Variants in KDM4E observed in about 807,000 individuals in gnomAD.
The protein encoded by KDM4E is lysine-specific demethylase 4E.
For synonymous variants in KDM4E, 229 were observed against 232.9 expected (o/e 0.98, Z 0.15); for missense variants, 576 against 642.6 (o/e 0.90, Z 1.12).
At position 95,025,361 on chromosome 11, in the gene KDM4E, G is replaced by C; in HGVS notation, c.-197G>C. On this transcript the variant is annotated 5_prime_UTR_variant, in exon 1 of 1. Transcript: ENST00000450979. ...TCTTCAGAAAAAAGTATACTGACTA[G>C]AGTGGAGTCCCCCTGGGGAGTCAGA... The C allele has an allele frequency of 1.5e-6, 1 of 661,516 alleles. No homozygotes were observed. Among genetic ancestry groups the C allele is most frequent in the South Asian group, 2.5e-5 (1 of 40,308 alleles). The allele number at this position is 661,516 out of a possible 1,614,324, so 41.0% of individuals were successfully genotyped here. A position where few individuals can be genotyped will look rare whatever the true frequency, so the allele number is the denominator to read the frequency against.
chr11:95,026,087 T>C lies in KDM4E; in HGVS notation c.530T>C (p.Leu177Pro). The C allele has an allele frequency of 6.2e-7, 1 of 1,614,062 alleles. No homozygotes were observed. Among genetic ancestry groups the C allele is most frequent in the Non-Finnish European group, 8.5e-7 (1 of 1,179,976 alleles). Reference sequence around the variant, plus strand: ...ATCGAGGGTGTCAACACACCCTACCTGTACTTTGGCATGTGGAAGACCACG... The same window carrying C: ...ATCGAGGGTGTCAACACACCCTACCCGTACTTTGGCATGTGGAAGACCACG... ...VVIEGVNTPY[L>P]YFGMWKTTFA... is the part of the protein sequence containing the mutation. Residue 177 changes from leucine to proline, a missense_variant, in exon 1 of 1, where the codon CTG (leucine) becomes CCG (proline). By Grantham distance (98) the Leu-to-Pro change is moderately conservative. Transcript: ENST00000450979.
rs782467069 is a variant in KDM4E, at chr11:95,026,448, G to A, written c.891G>A (p.Trp297Ter). ...AEAINFATPR[W>*]IDYGKMASQC... Reference sequence around the variant, plus strand: ...CCATTAATTTTGCCACTCCACGATGGATTGATTATGGCAAAATGGCCTCTC... The same window carrying A: ...CCATTAATTTTGCCACTCCACGATGAATTGATTATGGCAAAATGGCCTCTC... The change falls in exon 1 of 1, where the codon TGG (tryptophan) becomes TGA (stop). Residue 297 changes from tryptophan (W) to a stop codon, truncating the protein, a stop_gained. Coordinates refer to ENST00000450979, the MANE Select transcript of KDM4E (RefSeq NM_001161630.1). LOFTEE classifies it low-confidence loss of function (END_TRUNC). 3.7e-6 allele frequency: 6 copies of A among 1,610,626 alleles called. No individual in the cohort carries two copies. Among genetic ancestry groups the A allele is most frequent in the Non-Finnish European group, 5.1e-6 (6 of 1,179,932 alleles).
Position 95,027,153 on chromosome 11 carries a change from C to T in KDM4E, c.*75C>T. 6.7e-7 allele frequency: 1 copy of T among 1,493,454 alleles called. No individual in the cohort carries two copies. The highest frequency in any genetic ancestry group is 2.2e-5 in the Admixed American group (1 of 45,210). The allele number at this position is 1,493,454 out of a possible 1,614,324, so 92.5% of individuals were successfully genotyped here. A position where few individuals can be genotyped will look rare whatever the true frequency, so the allele number is the denominator to read the frequency against. ...TGATCTTCAACTCCTGGGGCCCCCA[C>T]TGGATCGTGATGAAACCATGCACCC... On this transcript the variant is annotated 3_prime_UTR_variant, in exon 1 of 1. Transcript: ENST00000450979.
Position 95,026,813 on chromosome 11 carries a change from T to C in KDM4E, c.1256T>C (p.Leu419Pro). 6.5e-7 allele frequency: 1 copy of C among 1,537,216 alleles called. No individual in the cohort carries two copies. Among genetic ancestry groups the C allele is most frequent in the South Asian group, 1.2e-5 (1 of 84,064 alleles). The change falls in exon 1 of 1, where the codon CTT becomes CCT. Residue 419 changes from leucine (L) to proline (P), a missense_variant. Physicochemically the swap from Leu to Pro is moderately conservative, Grantham distance 98. Transcript: ENST00000450979. ...SSAYHTQTQS[L>P]TLGMSARVLL... ...GCATATCATACCCAGACCCAGTCACTTACCCTGGGGATGTCAGCCAGGGTT... is the reference window on the plus strand; with the variant it reads ...GCATATCATACCCAGACCCAGTCACCTACCCTGGGGATGTCAGCCAGGGTT...
rs781986850 is a variant in KDM4E at position 95,026,729 on chromosome 11, G to A, written c.1172G>A (p.Cys391Tyr). Residue 391 changes from cysteine to tyrosine, a missense_variant, in exon 1 of 1, where the codon TGT becomes TAT. Cys to Tyr is a radical substitution (Grantham distance 194). Transcript: ENST00000450979. ...CPTQPVSSGH[C>Y]YNPKGCGTDA... ...ACACAGCCTGTGTCCTCAGGGCACT[G>A]TTACAACCCAAAAGGCTGTGGCACT... The A allele has an allele frequency of 3.1e-5, 47 of 1,537,156 alleles. No homozygotes were observed. In the African/African-American group the frequency reaches 5.5e-4, roughly 18 times the overall value.
chr11:95,026,595 G>A lies in KDM4E; in HGVS notation c.1038G>A (p.Glu346=). ...RQDLAIVEHT[E]PRVAESQELS... is the part of the protein sequence containing the mutation. Reference sequence around the variant, plus strand: ...ACTTGGCCATTGTGGAACACACAGAGCCCAGGGTTGCAGAAAGCCAAGAGC... The same window carrying A: ...ACTTGGCCATTGTGGAACACACAGAACCCAGGGTTGCAGAAAGCCAAGAGC... The change falls in exon 1 of 1, where the codon GAG becomes GAA. Residue 346 remains glutamate (E), a synonymous_variant. Coordinates refer to ENST00000450979, the MANE Select transcript of KDM4E (RefSeq NM_001161630.1). 6.5e-7 allele frequency: 1 copy of A among 1,537,610 alleles called. No homozygotes were observed. The highest frequency in any genetic ancestry group is 8.7e-7 in the Non-Finnish European group (1 of 1,147,032).
rs1555102641 is a variant in KDM4E at position 95,025,832 on chromosome 11, C to T, written c.275C>T (p.Ala92Val). 7 of 1,594,132 alleles carry T rather than the reference C, an allele frequency of 4.4e-6. No homozygotes were observed. In the South Asian group the frequency reaches 6.7e-5, roughly 15 times the overall value. ...VFTQYHKKKK[A>V]MRVGQYRRLA... is the part of the protein sequence containing the mutation. ...ACTCAATACCATAAAAAGAAGAAAG[C>T]CATGAGGGTGGGGCAGTATCGCCGC... Residue 92 changes from alanine to valine, a missense_variant, in exon 1 of 1, where the codon GCC becomes GTC. Ala to Val is a moderately conservative substitution (Grantham distance 64). Transcript: ENST00000450979.
Position 95,027,105 on chromosome 11 carries a change from G to T in KDM4E, c.*27G>T. ...TGGTGGCCTTCAGCATCTTGCCAAG[G>T]CTTCTGGCTGCTGCTGTGTCCCTGA... On this transcript the variant is annotated 3_prime_UTR_variant, in exon 1 of 1. Coordinates refer to ENST00000450979, the MANE Select transcript of KDM4E (RefSeq NM_001161630.1). 6.5e-7 allele frequency: 1 copy of T among 1,531,226 alleles called. No individual in the cohort carries two copies. The highest frequency in any genetic ancestry group is 2.4e-5 in the East Asian group (1 of 40,830). 94.9% of individuals were successfully genotyped at this position (1,531,226 alleles called of 1,614,324 possible).
chr11:95,026,950 G>A lies in KDM4E; in HGVS notation c.1393G>A (p.Gly465Arg). ...TCATGGTTGTTGTACTCGAGAACTG[G>A]GGACTGAGGAGCCAACTGTTCAGCC... ...RGHGCCTREL[G>R]TEEPTVQPAS... The change falls in exon 1 of 1, where the codon GGG becomes AGG. Residue 465 changes from glycine to arginine, a missense_variant. Coordinates refer to ENST00000450979, the MANE Select transcript of KDM4E (RefSeq NM_001161630.1). The A allele has an allele frequency of 5.2e-6, 8 of 1,537,210 alleles. No homozygotes were observed. Among genetic ancestry groups the A allele is most frequent in the South Asian group, 1.2e-5 (1 of 84,066 alleles).
chr11:95,025,988 A>G lies in KDM4E; in HGVS notation c.431A>G (p.Glu144Gly), dbSNP rs1364895769. 2 of 1,600,606 alleles carry G rather than the reference A, an allele frequency of 1.2e-6. No homozygotes were observed. The highest frequency in any genetic ancestry group is 1.7e-6 in the Non-Finnish European group (2 of 1,175,320). ...GADISGSLFE[E>G]STKQWNLGHL... The stretch of plus-strand genomic sequence containing the variant: ...GATATCAGCGGCTCCTTATTTGAAG[A>G]AAGCACTAAACAATGGAACCTAGGA... The change falls in exon 1 of 1, where the codon GAA (glutamate) becomes GGA (glycine). Residue 144 changes from glutamate to glycine, a missense_variant. By Grantham distance (98) the Glu-to-Gly change is moderately conservative. Coordinates refer to ENST00000450979, the MANE Select transcript of KDM4E (RefSeq NM_001161630.1).
In KDM4E at chr11:95,026,651, G is replaced by A. The variant is rs782640272; in HGVS notation, c.1094G>A (p.Arg365Lys). The A allele has an allele frequency of 1.4e-5, 22 of 1,537,146 alleles. No homozygotes were observed. The highest frequency in any genetic ancestry group is 5.2e-6 in the Non-Finnish European group (6 of 1,146,924). ...AACTGGAGAGATGATATAGTACTTA[G>A]AAGAGCTGCTCTGGGCCTGAGGCTT... ...LSNWRDDIVLRRAALGLRLLP... is the reference protein window; with the variant it reads ...LSNWRDDIVLKRAALGLRLLP... Residue 365 changes from arginine (R) to lysine (K), a missense_variant, in exon 1 of 1, where the codon AGA becomes AAA. Arg to Lys is a conservative substitution (Grantham distance 26). Transcript: ENST00000450979.
chr11:95,026,194 C>A lies in KDM4E; in HGVS notation c.637C>A (p.Pro213Thr). Residue 213 changes from proline (P) to threonine (T), a missense_variant, in exon 1 of 1, where the codon CCC becomes ACC. Coordinates refer to ENST00000450979, the MANE Select transcript of KDM4E (RefSeq NM_001161630.1). ...FGEPKTWYVV[P>T]PEHGQHLERL... ...GGAGCCCAAAACTTGGTACGTGGTG[C>A]CCCCAGAACATGGTCAGCACCTGGA... The A allele has an allele frequency of 6.2e-7, 1 of 1,614,120 alleles. No homozygotes were observed. Among genetic ancestry groups the A allele is most frequent in the Non-Finnish European group, 8.5e-7 (1 of 1,180,022 alleles).
chr11:95,026,275 C>A lies in KDM4E; in HGVS notation c.718C>A (p.Arg240=). The change falls in exon 1 of 1, where the codon CGG becomes AGG. Residue 240 remains arginine, a synonymous_variant. Coordinates refer to ENST00000450979, the MANE Select transcript of KDM4E (RefSeq NM_001161630.1). ...DISRGCEAFL[R]HKVALISPTV... is the part of the protein sequence containing the mutation. ...TTCTCGGGGCTGTGAGGCCTTCCTG[C>A]GGCACAAAGTGGCCCTCATCTCGCC... 2 of 1,614,016 alleles carry A rather than the reference C, an allele frequency of 1.2e-6. No homozygotes were observed. The highest frequency in any genetic ancestry group is 1.7e-6 in the Non-Finnish European group (2 of 1,179,992).
rs61737594 is a variant in KDM4E at position 95,027,042 on chromosome 11, G to A, written c.1485G>A (p.Pro495=). ...SRAQGHRPQL[P]LANDLMTNLS... ...CTCAAGGCCACAGGCCTCAGCTCCC[G>A]CTTGCCAATGATTTGATGACAAATC... is the stretch of plus-strand genomic sequence containing the variant. Residue 495 remains proline, a synonymous_variant, in exon 1 of 1, where the codon CCG becomes CCA. Coordinates refer to ENST00000450979, the MANE Select transcript of KDM4E (RefSeq NM_001161630.1). 7.5e-5 allele frequency: 116 copies of A among 1,537,066 alleles called. No individual in the cohort carries two copies. The African/African-American group carries it at 1.2e-3, about 16-fold the overall frequency.
Position 95,025,354 on chromosome 11 carries a change from C to G in KDM4E, c.-204C>G, listed in dbSNP as rs1858246704. ...CTCTACTTCTTCAGAAAAAAGTATACTGACTAGAGTGGAGTCCCCCTGGGG... is the reference window on the plus strand; with the variant it reads ...CTCTACTTCTTCAGAAAAAAGTATAGTGACTAGAGTGGAGTCCCCCTGGGG... On this transcript the variant is annotated 5_prime_UTR_variant, in exon 1 of 1. Coordinates refer to ENST00000450979, the MANE Select transcript of KDM4E (RefSeq NM_001161630.1). 1 of 612,052 alleles carries G rather than the reference C, an allele frequency of 1.6e-6. No homozygotes were observed. The highest frequency in any genetic ancestry group is 2.6e-6 in the Non-Finnish European group (1 of 380,200). The allele number at this position is 612,052 out of a possible 1,614,324, so 37.9% of individuals were successfully genotyped here. A position where few individuals can be genotyped will look rare whatever the true frequency, so the allele number is the denominator to read the frequency against.
Position 95,027,146 on chromosome 11 carries a change from G to GC in KDM4E, c.*73dup. On this transcript the variant is annotated 3_prime_UTR_variant, in exon 1 of 1. Transcript: ENST00000450979. ...GTGTCCCTGATCTTCAACTCCTGGG[G>GC]CCCCCACTGGATCGTGATGAAACCA... The GC allele has an allele frequency of 1.3e-6, 2 of 1,501,450 alleles. No individual in the cohort carries two copies. Among genetic ancestry groups the GC allele is most frequent in the African/African-American group, 1.4e-5 (1 of 71,786 alleles). The allele number at this position is 1,501,450 out of a possible 1,614,324, so 93.0% of individuals were successfully genotyped here.
rs1858253261 is a variant in KDM4E, at chr11:95,025,678, C to T, written c.121C>T (p.His41Tyr). 2 of 1,551,434 alleles carry T rather than the reference C, an allele frequency of 1.3e-6. No homozygotes were observed. The highest frequency in any genetic ancestry group is 1.9e-5 in the Admixed American group (1 of 53,230). Residue 41 changes from histidine to tyrosine, a missense_variant, in exon 1 of 1, where the codon CAT becomes TAT. Coordinates refer to ENST00000450979, the MANE Select transcript of KDM4E (RefSeq NM_001161630.1). The part of the protein sequence containing the change: ...YVAYMESQGA[H>Y]QAGLAKVIPP... The stretch of plus-strand genomic sequence containing the variant: ...TGCTTACATGGAGTCCCAAGGCGCA[C>T]ATCAAGCTGGCCTTGCCAAGGTAAT...
At position 95,025,417 on chromosome 11, in the gene KDM4E, G is replaced by T; in HGVS notation, c.-141G>T. Reference sequence around the variant, plus strand: ...TGTGAAAGATCTCACTTGTTCAAAAGTCCAAGTGTGAATTACTGTCTCACA... The same window carrying T: ...TGTGAAAGATCTCACTTGTTCAAAATTCCAAGTGTGAATTACTGTCTCACA... On this transcript the variant is annotated 5_prime_UTR_variant, in exon 1 of 1. Transcript: ENST00000450979. The T allele has an allele frequency of 7.8e-7, 1 of 1,274,808 alleles. No individual in the cohort carries two copies. The allele number at this position is 1,274,808 out of a possible 1,614,324, so 79.0% of individuals were successfully genotyped here. A position where few individuals can be genotyped will look rare whatever the true frequency, so the allele number is the denominator to read the frequency against.
chr11:95,027,278 C>T lies in KDM4E; in HGVS notation c.*200C>T. ...TCATTGTGCCTTTGATTAAGTTTTC[C>T]AGGGACACTGGTGGGGACTGGAACT... On this transcript the variant is annotated 3_prime_UTR_variant, in exon 1 of 1. Coordinates refer to ENST00000450979, the MANE Select transcript of KDM4E (RefSeq NM_001161630.1). 1 of 733,006 alleles carries T rather than the reference C, an allele frequency of 1.4e-6. No homozygotes were observed. Among genetic ancestry groups the T allele is most frequent in the Non-Finnish European group, 2.2e-6 (1 of 463,038 alleles). 45.4% of individuals were successfully genotyped at this position (733,006 alleles called of 1,614,324 possible). A position where few individuals can be genotyped will look rare whatever the true frequency, so the allele number is the denominator to read the frequency against.
Sources: allele counts gnomAD v4.1 joint callset, GRCh38; gene constraint gnomAD v4.1.1; transcripts MANE v1.5; gene names NCBI Gene and HGNC (gene_info 2026-07-23, HGNC 2026-07-21).